The following ESRRG variants were observed in gnomAD, a reference collection of about 807,000 sequenced individuals.
ESRRG encodes the protein estrogen related receptor gamma, also known as estrogen-related receptor gamma.
In ESRRG, 13 loss-of-function variants were observed where a neutral mutation model predicts 44.0. The observed-to-expected ratio is 0.30, with a 90% CI of 0.19 to 0.47. The LOEUF (loss-of-function observed/expected upper bound fraction) is 0.47. Ranked by LOEUF, ESRRG falls within the 20% of genes least tolerant of loss-of-function variation. The pLI is 1.00. For synonymous variants in ESRRG, 215 were observed against 214.6 expected, an observed-to-expected ratio of 1.00 and a Z score of -0.02; for missense variants, 395 against 580.6, an observed-to-expected ratio of 0.68 and a Z score of 3.29.
chr1:216,682,885 T>C (rs566637838), intron 1 of ESRRG, among the ~76,000 whole-genome samples: 38 of 152,288 alleles, frequency 2.5e-4, no homozygotes, highest in South Asian at 2.1e-4. Context: ...TTTTCCCCCC[T>C]GCTTCAACTA....
chr1:216,605,536 A>G (rs987236185), intron 3 of ESRRG, among the ~76,000 whole-genome samples: 3 of 152,198 alleles, frequency 2.0e-5, no homozygotes, highest in African/African-American at 7.2e-5. Context: ...TAAGGTGTGA[A>G]AGAGGATTAT....
intron 2 of ESRRG, among the ~76,000 whole-genome samples, chr1:216,821,143 A>G (rs752188719): frequency 4.6e-5 from 7 of 152,210 alleles, no homozygotes; most frequent in Non-Finnish European, 7.3e-5. Flanking sequence ...AGTTGGAAAG[A>G]GAAGCCATTG....
At chr1:216,695,661 A>G (rs1404706547) in intron 1 of ESRRG, among the ~76,000 whole-genome samples, 2 of 152,222 alleles carry the variant, frequency 1.3e-5, no homozygotes, top group Non-Finnish European at 1.5e-5. Flanking sequence ...ATTACAAAGC[A>G]TCACATCAAA....
At chr1:216,547,381 C>A (rs1477479397) in intron 5 of ESRRG, among the ~76,000 whole-genome samples, 1 of 151,960 alleles carries the variant, frequency 6.6e-6, no homozygotes, top group East Asian at 1.9e-4. Context: ...AATGTTAGTC[C>A]ATTTGTTTGA....
intron 2 of ESRRG, among the ~76,000 whole-genome samples, chr1:216,808,108 A>G (rs1190265741): frequency 6.6e-6 from 1 of 152,122 alleles, no homozygotes; most frequent in East Asian, 1.9e-4. Context: ...ACTGGCCCTG[A>G]CAGATTGAAT....
intron 1 of ESRRG, among the ~76,000 whole-genome samples, chr1:216,720,703 G>GA (rs1575734927): frequency 6.6e-6 from 1 of 152,110 alleles, no homozygotes; most frequent in Middle Eastern, 3.4e-3. Context: ...ATGAGAAAAA[G>GA]AAAAAACATG....
At chr1:216,519,764 T>A (rs1470837885) in intron 5 of ESRRG, among the ~76,000 whole-genome samples, 2 of 150,380 alleles carry the variant, frequency 1.3e-5, no homozygotes, top group African/African-American at 4.9e-5. Context: ...GGAAGTCAGA[T>A]TTTCAACTAT....
rs1023508687 is a variant in ESRRG, at chr1:217,036,302, C to T, written c.-106+53205G>A. On this transcript the variant is annotated intron_variant, in intron 1 of 7. Coordinates refer to the ESRRG transcript ENST00000359162. The stretch of plus-strand genomic sequence containing the variant: ...AAAATACTATTTGACCCAGCAATCC[C>T]ATTACTTGGTATATACCCAAAGGAA... Among the ~76,000 whole-genome samples, 4 of 152,150 alleles carry T rather than the reference C, an allele frequency of 2.6e-5. No individual in the cohort carries two copies. The South Asian group carries it at 8.3e-4, about 32-fold the overall frequency.
chr1:217,124,696 G>C (rs1275469484), intron 1 of ESRRG, among the ~76,000 whole-genome samples: 1 of 152,014 alleles, frequency 6.6e-6, no homozygotes, highest in Admixed American at 6.6e-5. Flanking sequence ...AAAAGAAAAA[G>C]AAAGAAAAAA....
intron 2 of ESRRG, among the ~76,000 whole-genome samples, chr1:216,777,819 A>G (rs1446070498): frequency 6.6e-6 from 1 of 152,108 alleles, no homozygotes; most frequent in African/African-American, 2.4e-5. Context: ...GTTTTCTTAA[A>G]AAGCTGATAA....
chr1:216,885,947 A>T (rs2096510183), intron 2 of ESRRG, among the ~76,000 whole-genome samples: 1 of 152,104 alleles, frequency 6.6e-6, no homozygotes. Flanking sequence ...CCCTTCTTAG[A>T]ACCTCTAGCC....
At chr1:216,774,811 T>TTTTTTTTTTAA (rs1559583231) in intron 2 of ESRRG, among the ~76,000 whole-genome samples, 1 of 149,214 alleles carries the variant, frequency 6.7e-6, no homozygotes, top group African/African-American at 2.5e-5. Context: ...TTTTTTTTTT[T>TTTTTTTTTTAA]AAGACAGAAT....
chr1:216,853,711 C>T (rs1251483376), intron 2 of ESRRG, among the ~76,000 whole-genome samples: 2 of 152,178 alleles, frequency 1.3e-5, no homozygotes, highest in Non-Finnish European at 2.9e-5. Flanking sequence ...CCCCAAGTGC[C>T]AGTAAAGCAT....
chr1:216,928,707 AT>A (rs2062914838), intron 2 of ESRRG, among the ~76,000 whole-genome samples: 1 of 152,224 alleles, frequency 6.6e-6, no homozygotes, highest in Non-Finnish European at 1.5e-5. Context: ...AACAATCCAA[AT>A]ATTAATCAAC....
chr1:216,535,373 AC>A (rs1334622620), intron 5 of ESRRG, among the ~76,000 whole-genome samples: 3 of 152,164 alleles, frequency 2.0e-5, no homozygotes, highest in African/African-American at 7.2e-5. Context: ...GGCAGGGAAA[AC>A]ATGAATCCAA....
At chr1:216,629,737 G>A (rs1367124006) in intron 3 of ESRRG, among the ~76,000 whole-genome samples, 1 of 152,162 alleles carries the variant, frequency 6.6e-6, no homozygotes, top group Non-Finnish European at 1.5e-5. Flanking sequence ...CTTAAGAACA[G>A]AAATACCCTT....
At chr1:216,828,742 G>A (rs1482988404) in intron 2 of ESRRG, among the ~76,000 whole-genome samples, 3 of 152,136 alleles carry the variant, frequency 2.0e-5, no homozygotes, top group Non-Finnish European at 2.9e-5. Flanking sequence ...TGAAACCAAA[G>A]GCTATATTTC....
Position 216,952,839 on chromosome 1 carries a change from T to C in ESRRG, c.-105-13166A>G, listed in dbSNP as rs1166841552. 2.0e-5 allele frequency among the ~76,000 whole-genome samples: 3 copies of C among 152,120 alleles called. No individual in the cohort carries two copies. The East Asian group carries it at 5.8e-4, about 29-fold the overall frequency. ...TTCCTGGCACTGTTTTACTGTCAGC[T>C]ACTAGCACATGGACACCACCAAGAG... is the stretch of plus-strand genomic sequence containing the variant. On this transcript the variant is annotated intron_variant, in intron 1 of 7. Transcript: ENST00000359162.
At chr1:216,698,695 C>G (rs1280783920) in intron 1 of ESRRG, among the ~76,000 whole-genome samples, 1 of 151,622 alleles carries the variant, frequency 6.6e-6, no homozygotes, top group Non-Finnish European at 1.5e-5. Flanking sequence ...ATGATGGTTT[C>G]GATAGTAAGA....
Sources: gnomAD v4.1 joint callset for allele counts (sites outside exome capture counted in the v4.1 genomes callset) on GRCh38, gnomAD v4.1.1 for gene constraint, MANE v1.5 for transcripts, NCBI Gene and HGNC (gene_info 2026-07-23, HGNC 2026-07-21) for gene names.